Variants in TMEM181 observed in about 807,000 individuals in gnomAD.
The protein encoded by TMEM181 is G protein-coupled receptor 178.
Under a neutral mutation model 71.9 loss-of-function variants are expected in TMEM181, and 39 were observed. The ratio of observed to expected loss-of-function variants is 0.54; its 90% CI spans 0.42 to 0.71. The LOEUF (loss-of-function observed/expected upper bound fraction) is 0.71. TMEM181 is among the 30% of genes least tolerant of loss of function. TMEM181 has a pLI of 0.00. For synonymous variants in TMEM181, 245 were observed against 228.8 expected (o/e 1.07, Z -0.64); for missense variants, 595 against 583.0 (o/e 1.02, Z -0.21).
At chr6:158,580,502 C>T (rs1046916562) in intron 2 of TMEM181, among the ~76,000 whole-genome samples, 2 of 151,972 alleles carry the variant, frequency 1.3e-5, no homozygotes, top group African/African-American at 4.8e-5. Context: ...TGTTTATAGC[C>T]CTTAATAAGT....
intron 12 of TMEM181, 104 bp downstream of exon 12, chr6:158,625,310 CAGGGA>C: frequency 4.0e-6 from 4 of 997,518 alleles, no homozygotes; most frequent in Non-Finnish European, 6.3e-6. Context: ...CTTGAGGGCC[CAGGGA>C]CTGGTCCATT....
Position 158,560,127 on chromosome 6 carries a change from G to A in TMEM181, c.-98G>A. 1 of 984,810 alleles carries A rather than the reference G, an allele frequency of 1.0e-6. No individual in the cohort carries two copies. The highest frequency in any genetic ancestry group is 1.2e-6 in the Non-Finnish European group (1 of 829,682). The allele number at this position is 984,810 out of a possible 1,614,324, so 61.0% of individuals were successfully genotyped here. On this transcript the variant is annotated 5_prime_UTR_variant, in exon 1 of 17. Coordinates refer to ENST00000684151, the MANE Select transcript of TMEM181 (RefSeq NM_001376852.1). ...GGCCGGCCGCTGCTCAGCCGCTGTCGCTCCGGCTCCGGCTGCGGCTGCCGC... is the reference window on the plus strand; with the variant it reads ...GGCCGGCCGCTGCTCAGCCGCTGTCACTCCGGCTCCGGCTGCGGCTGCCGC...
intron 1 of TMEM181, among the ~76,000 whole-genome samples, chr6:158,567,590 G>T (rs1222191398): frequency 6.6e-6 from 1 of 152,222 alleles, no homozygotes; most frequent in Non-Finnish European, 1.5e-5. Flanking sequence ...AGGTAGCTTT[G>T]CTGGGAGAAG....
chr6:158,615,855 G>A (rs1785580098), intron 10 of TMEM181, among the ~76,000 whole-genome samples: 2 of 152,094 alleles, frequency 1.3e-5, no homozygotes. Context: ...TCTCTGTTTT[G>A]TTACCAGTAC....
At chr6:158,618,824 C>T (rs929192057) in intron 10 of TMEM181, among the ~76,000 whole-genome samples, 2 of 152,202 alleles carry the variant, frequency 1.3e-5, no homozygotes, top group African/African-American at 4.8e-5. Context: ...TTGGCCCCCA[C>T]TCTTCTGGCT....
intron 1 of TMEM181, among the ~76,000 whole-genome samples, chr6:158,543,492 C>T (rs901163408): frequency 6.6e-6 from 1 of 152,198 alleles, no homozygotes; most frequent in Non-Finnish European, 1.5e-5. Flanking sequence ...AGGGATGTAT[C>T]GTCTCCTGGT....
At chr6:158,624,383 C>T (rs1479928468) in intron 11 of TMEM181, among the ~76,000 whole-genome samples, 1 of 152,252 alleles carries the variant, frequency 6.6e-6, no homozygotes, top group Admixed American at 6.5e-5. Context: ...TGCTCTGAGC[C>T]TTGACTGTAA....
chr6:158,625,074 C>T lies in TMEM181; in HGVS notation c.955-30C>T, dbSNP rs748625050. 2.9e-5 allele frequency: 46 copies of T among 1,562,522 alleles called. No homozygotes were observed. In the East Asian group the frequency reaches 3.8e-4, roughly 13 times the overall value. On this transcript the variant is annotated intron_variant, in intron 11 of 16. Transcript: ENST00000684151. ...GGAGAAGGTCACAGAGGCCCTGTTC[C>T]GACTCAAGTGCTGCCTTGTGTCCTC...
chr6:158,562,478 T>TGTGTGTGTC (rs1554302369), intron 1 of TMEM181, among the ~76,000 whole-genome samples: 19 of 116,316 alleles, frequency 1.6e-4, no homozygotes, highest in African/African-American at 4.7e-4. Context: ...GTGTGTGTCT[T>TGTGTGTGTC]GCTTGGCACG....
intron 10 of TMEM181, among the ~76,000 whole-genome samples, chr6:158,613,213 G>C (rs1682090802): frequency 6.6e-6 from 1 of 152,144 alleles, no homozygotes; most frequent in African/African-American, 2.4e-5. Flanking sequence ...CATCAGTCAA[G>C]ACTAGAATTT....
At chr6:158,559,485 T>C (rs938790211), upstream of TMEM181, among the ~76,000 whole-genome samples, 1 of 152,160 alleles carries the variant, frequency 6.6e-6, no homozygotes, top group Non-Finnish European at 1.5e-5. Context: ...ATCTCAGAAA[T>C]AGCCAAACCT....
At position 158,571,431 on chromosome 6, in the gene TMEM181, A is replaced by G. The variant is rs142442167; in HGVS notation, c.9-1989A>G. ...CCCGCCTTGGCCTCCCAAAGTGCTG[A>G]GATTACAGGCCTGAGCCACCACGCC... is the stretch of plus-strand genomic sequence containing the variant. On this transcript the variant is annotated intron_variant, in intron 1 of 16. Coordinates refer to ENST00000684151, the MANE Select transcript of TMEM181 (RefSeq NM_001376852.1). 1.9e-3 allele frequency among the ~76,000 whole-genome samples: 219 copies of G among 114,858 alleles called. 20 individuals carry two copies. The highest frequency in any genetic ancestry group is 6.8e-3 in the African/African-American group (181 of 26,660). The allele number at this position is 114,858 out of a possible 152,430, so 75.4% of individuals were successfully genotyped here.
Position 158,631,337 on chromosome 6 carries a change from G to A in TMEM181, c.1297G>A (p.Asp433Asn). 6.2e-7 allele frequency: 1 copy of A among 1,614,252 alleles called. No homozygotes were observed. The highest frequency in any genetic ancestry group is 8.5e-7 in the Non-Finnish European group (1 of 1,180,046). Residue 433 changes from aspartate to asparagine, a missense_variant, in exon 16 of 17, where the codon GAC becomes AAC. Asp to Asn is a conservative substitution (Grantham distance 23, BLOSUM62 1). Transcript: ENST00000684151. ...KNALYESQLK[D>N]NPAFSMLNDS... is the part of the protein sequence containing the mutation. Reference sequence around the variant, plus strand: ...TTGGTTTTCAGAGTCCCAGCTGAAAGACAATCCTGCCTTCTCCATGCTGAA... The same window carrying A: ...TTGGTTTTCAGAGTCCCAGCTGAAAAACAATCCTGCCTTCTCCATGCTGAA...
intron 1 of TMEM181, among the ~76,000 whole-genome samples, chr6:158,551,191 A>C (rs1038096235): frequency 2.0e-5 from 3 of 152,054 alleles, no homozygotes; most frequent in African/African-American, 7.2e-5. Context: ...CAATCTCCTG[A>C]CCTCGTGATC....
intron 2 of TMEM181, 83 bp downstream of exon 2, chr6:158,573,606 C>A (rs904394158): frequency 5.8e-6 from 7 of 1,203,570 alleles, no homozygotes; most frequent in Admixed American, 4.1e-5. Context: ...CAGCTGTGCC[C>A]CTATCTTCCA....
At chr6:158,544,182 A>AGAGAGTGT (rs149735409) in intron 1 of TMEM181, among the ~76,000 whole-genome samples, 2 of 127,560 alleles carry the variant, frequency 1.6e-5, no homozygotes, top group African/African-American at 6.1e-5. Flanking sequence ...AATTGGAGAG[A>AGAGAGTGT]GTGTGTGTGT....
chr6:158,537,599 T>C (rs1781172520), intron 1 of TMEM181, among the ~76,000 whole-genome samples: 1 of 152,152 alleles, frequency 6.6e-6, no homozygotes, highest in South Asian at 2.1e-4. Context: ...AATGGCCGAT[T>C]TACCCAAAGG....
chr6:158,612,889 AG>A (rs1785414311), intron 10 of TMEM181, among the ~76,000 whole-genome samples: 1 of 152,222 alleles, frequency 6.6e-6, no homozygotes, highest in Non-Finnish European at 1.5e-5. Flanking sequence ...AGTTCCCGCA[AG>A]GGTGGCATGG....
At chr6:158,546,433 C>G (rs80053495) in intron 1 of TMEM181, among the ~76,000 whole-genome samples, 2 of 152,084 alleles carry the variant, frequency 1.3e-5, no homozygotes, top group Admixed American at 6.5e-5. Flanking sequence ...GTACACATGA[C>G]GAGAATACAG....
Sources: allele counts gnomAD v4.1 joint callset (sites outside exome capture counted in the v4.1 genomes callset), GRCh38; gene constraint gnomAD v4.1.1; transcripts MANE v1.5; gene names NCBI Gene and HGNC (gene_info 2026-07-23, HGNC 2026-07-21).